PAX8: variants seen among roughly 807,000 people sequenced by gnomAD.
PAX8 encodes paired box protein Pax-8.
A neutral mutation model predicts 52.4 loss-of-function variants in PAX8; 15 were observed. That is an observed-to-expected ratio of 0.29 (90% CI 0.19 to 0.44). The LOEUF is 0.44. Ranked by LOEUF, PAX8 falls within the 20% of genes least tolerant of loss-of-function variation. The pLI, the probability that PAX8 is intolerant of heterozygous loss-of-function variation, is 1.00. For synonymous variants in PAX8, 284 were observed against 249.7 expected (o/e 1.14, Z -1.29); for missense variants, 554 against 602.5 (o/e 0.92, Z 0.84).
At chr2:113,230,589 A>G (rs1462025479) in intron 9 of PAX8, 1 of 152,246 alleles carries the variant, frequency 6.6e-6, no homozygotes, top group African/African-American at 2.4e-5. Context: ...GCTTCCTGCC[A>G]TGAAAGCTGG....
intron 2 of PAX8, among the ~76,000 whole-genome samples, chr2:113,249,370 C>CAA (rs1691586228): frequency 6.6e-6 from 1 of 152,232 alleles, no homozygotes; most frequent in African/African-American, 2.4e-5. Context: ...GCCAGACAGC[C>CAA]ACCCAAACAC....
chr2:113,271,322 T>C (rs749690090), intron 2 of PAX8: 1 of 152,238 alleles, frequency 6.6e-6, no homozygotes, highest in Non-Finnish European at 1.5e-5. Context: ...GGGAAGTAAG[T>C]TCCCCAGGGT....
intron 3 of PAX8, among the ~76,000 whole-genome samples, chr2:113,245,407 C>G (rs1208198851): frequency 6.6e-6 from 1 of 152,194 alleles, no homozygotes; most frequent in African/African-American, 2.4e-5. Context: ...ACCCTCTGCT[C>G]TGTCTTGCTG....
rs550431837 is a variant in PAX8 at position 113,241,804 on chromosome 2, C to G, written c.602-78G>C. 6 of 1,553,282 alleles carry G rather than the reference C, an allele frequency of 3.9e-6. No individual in the cohort carries two copies. In the African/African-American group the frequency reaches 5.4e-5, roughly 14 times the overall value. On this transcript the variant is annotated intron_variant, in intron 6 of 11. Coordinates refer to ENST00000429538, the MANE Select transcript of PAX8 (RefSeq NM_003466.4). ...TCTAGGCCAAAGTAGAGGACTGACT[C>G]CAAGCTGACTCACTGTGGAGGGAGA...
chr2:113,255,109 A>C (rs1219225904), intron 2 of PAX8, among the ~76,000 whole-genome samples: 2 of 147,246 alleles, frequency 1.4e-5, no homozygotes, highest in Non-Finnish European at 3.0e-5. Context: ...AAGGAGGGAG[A>C]GAGGAATAGA....
chr2:113,227,397 A>C, intron 9 of PAX8, 141 bp from the exon 10 acceptor site: 2 of 702,098 alleles, frequency 2.8e-6, no homozygotes, highest in South Asian at 1.7e-5. Context: ...TCCTGCCCCC[A>C]CTCCTCATCT....
chr2:113,242,842 A>T, intron 4 of PAX8, 64 bp from the exon 5 acceptor site: 1 of 1,318,112 alleles, frequency 7.6e-7, no homozygotes, highest in Non-Finnish European at 1.1e-6. Flanking sequence ...TGGCTGCCCC[A>T]GACCCAGTCG....
chr2:113,253,015 G>T (rs1241267890), intron 2 of PAX8, among the ~76,000 whole-genome samples: 1 of 152,214 alleles, frequency 6.6e-6, no homozygotes, highest in Non-Finnish European at 1.5e-5. Context: ...AGCCTGCTCT[G>T]TGCCTCCTGC....
chr2:113,223,552 G>C, intron 10 of PAX8, among the ~76,000 whole-genome samples: 1 of 152,144 alleles, frequency 6.6e-6, no homozygotes, highest in East Asian at 1.9e-4. Context: ...ACTAGTTCCT[G>C]CCTTAGGTCC....
At position 113,218,377 on chromosome 2, in the gene PAX8, T is replaced by C; in HGVS notation, c.*156A>G. ...TTGTCCAAGGTCATCCTGTCTTTCA[T>C]GGTTCATTAAATTAACCACACAGGG... is the stretch of plus-strand genomic sequence containing the variant. On this transcript the variant is annotated 3_prime_UTR_variant, in exon 12 of 12. Transcript: ENST00000429538. 2.0e-6 allele frequency: 1 copy of C among 488,680 alleles called. No homozygotes were observed. Among genetic ancestry groups the C allele is most frequent in the Non-Finnish European group, 3.6e-6 (1 of 276,840 alleles). The allele number at this position is 488,680 out of a possible 1,614,324, so 30.3% of individuals were successfully genotyped here.
In PAX8 at chr2:113,221,041, A is replaced by T. The variant is rs186623407; in HGVS notation, c.1190-863T>A. Among the ~76,000 whole-genome samples, 96 of 152,266 alleles carry T rather than the reference A, an allele frequency of 6.3e-4. 3 individuals are homozygous for T. Among genetic ancestry groups the T allele is most frequent in the African/African-American group, 2.2e-3 (91 of 41,552 alleles). ...CTTGGTAAAGAGCTTAAAGTTTGTA[A>T]AGCACTTTCCCATACATTATGATCT... On this transcript the variant is annotated intron_variant, in intron 10 of 11. Transcript: ENST00000429538.
chr2:113,243,549 A>G (rs1341533469), intron 4 of PAX8, among the ~76,000 whole-genome samples: 2 of 152,074 alleles, frequency 1.3e-5, no homozygotes, highest in African/African-American at 2.4e-5. Context: ...TCGCCACCAC[A>G]CCCAGTTAAT....
chr2:113,227,361 T>C, intron 9 of PAX8, 105 bp from the exon 10 acceptor site: 1 of 942,872 alleles, frequency 1.1e-6, no homozygotes, highest in South Asian at 1.5e-5. Context: ...CCACCCTCTC[T>C]ACAGCCATTC....
rs748554649 is a variant in PAX8, at chr2:113,241,629, G to A, written c.699C>T (p.Leu233=). Reference sequence around the variant, plus strand: ...GCTCAAATGGGCACTCGAGCGGCTCGAGGTGGTGCTGGCTGAAGGCATCCG... The same window carrying A: ...GCTCAAATGGGCACTCGAGCGGCTCAAGGTGGTGCTGGCTGAAGGCATCCG... The part of the protein sequence containing the change: ...LRTDAFSQHH[L]EPLECPFERQ... The change falls in exon 7 of 12, where the codon CTC becomes CTT. Residue 233 remains leucine, a synonymous_variant. Transcript: ENST00000429538. The A allele has an allele frequency of 2.8e-5, 45 of 1,613,726 alleles. No individual in the cohort carries two copies. Among genetic ancestry groups the A allele is most frequent in the South Asian group, 2.3e-4 (21 of 91,076 alleles).
chr2:113,233,283 C>T (rs1690010871), intron 9 of PAX8, among the ~76,000 whole-genome samples: 1 of 150,550 alleles, frequency 6.6e-6, no homozygotes, highest in African/African-American at 2.5e-5. Context: ...CTGGATGTCC[C>T]TCTCTTCTAA....
intron 11 of PAX8, among the ~76,000 whole-genome samples, chr2:113,219,879 A>T (rs1689180556): frequency 6.6e-6 from 1 of 152,202 alleles, no homozygotes; most frequent in South Asian, 2.1e-4. Context: ...AGGGAAACGA[A>T]TGCCTGGAAG....
chr2:113,277,494 C>T (rs900758619), intron 2 of PAX8, among the ~76,000 whole-genome samples: 2 of 152,228 alleles, frequency 1.3e-5, no homozygotes, highest in Admixed American at 1.3e-4. Context: ...CGGCCCAAAT[C>T]GATAGCGATG....
chr2:113,246,890 C>T lies in PAX8; in HGVS notation c.55G>A (p.Ala19Thr), dbSNP rs1691365431. 3.1e-6 allele frequency: 5 copies of T among 1,614,090 alleles called. No individual in the cohort carries two copies. Among genetic ancestry groups the T allele is most frequent in the Non-Finnish European group, 4.2e-6 (5 of 1,179,944 alleles). ...GHGGLNQLGG[A>T]FVNGRPLPEV... ...GGCAGAGGTCTGCCATTCACAAAGG[C>T]CCCTCCCAGCTGGTTCAGCCCTCCA... The change falls in exon 3 of 12, where the codon GCC becomes ACC. Residue 19 changes from alanine to threonine, a missense_variant. Coordinates refer to ENST00000429538, the MANE Select transcript of PAX8 (RefSeq NM_003466.4).
intron 10 of PAX8, chr2:113,225,913 T>C (rs1428606732): frequency 5.0e-5 from 49 of 984,710 alleles, no homozygotes; most frequent in Non-Finnish European, 5.3e-5. Context: ...CTTTTTTATC[T>C]TGACCAATCT....
Sources: allele counts gnomAD v4.1 joint callset (sites outside exome capture counted in the v4.1 genomes callset), GRCh38; gene constraint gnomAD v4.1.1; transcripts MANE v1.5; gene names NCBI Gene and HGNC (gene_info 2026-07-23, HGNC 2026-07-21).